Variants in BCAS3 observed in about 807,000 individuals in gnomAD.
BCAS3 encodes the protein BCAS3 microtubule associated cell migration factor.
In BCAS3, 53 loss-of-function variants were observed where a neutral mutation model predicts 116.1. That is an observed-to-expected ratio of 0.46 (90% CI 0.37 to 0.57). The LOEUF (loss-of-function observed/expected upper bound fraction) is 0.57, where lower values mean the gene tolerates loss of function less well. BCAS3 is among the 20% of genes least tolerant of loss of function. The pLI is 0.00. For missense variants in BCAS3, 917 were observed against 1,165.4 expected (o/e 0.79, Z 3.10); for synonymous variants, 391 against 408.2 (o/e 0.96, Z 0.51).
At chr17:61,001,819 A>T (rs11079409) in intron 15 of BCAS3, among the ~76,000 whole-genome samples, 2,694 of 151,358 alleles carry the variant, frequency 0.018, 32 homozygotes, top group Non-Finnish European at 0.025. Context: ...CACCTTTTTT[A>T]AAAAAAAATG....
chr17:61,375,218 T>TTTTGTGTG (rs3223067), intron 23 of BCAS3, among the ~76,000 whole-genome samples: 1 of 142,680 alleles, frequency 7.0e-6, no homozygotes, highest in Non-Finnish European at 1.5e-5. Flanking sequence ...AAAGCACTAT[T>TTTTGTGTG]TGTGTGTGTG....
intron 7 of BCAS3, chr17:60,810,374 G>A (rs936198210): frequency 6.4e-5 from 29 of 451,650 alleles, no homozygotes; most frequent in Non-Finnish European, 1.1e-4. Flanking sequence ...ATGGCGGGGG[G>A]TCTGGCAGGA....
chr17:61,385,549 G>A (rs758954383), intron 23 of BCAS3, among the ~76,000 whole-genome samples: 2 of 152,174 alleles, frequency 1.3e-5, no homozygotes, highest in African/African-American at 2.4e-5. Context: ...CCCCTACTAC[G>A]TACCTCACTG....
At chr17:61,190,448 A>G (rs1013487831) in intron 22 of BCAS3, among the ~76,000 whole-genome samples, 11 of 125,642 alleles carry the variant, frequency 8.8e-5, no homozygotes, top group South Asian at 6.0e-4. Flanking sequence ...AATCGCTTGA[A>G]CCCGGGAGGC....
intron 10 of BCAS3, among the ~76,000 whole-genome samples, chr17:60,898,052 T>C (rs1007424542): frequency 2.2e-4 from 34 of 152,234 alleles, no homozygotes; most frequent in African/African-American, 7.9e-4. Flanking sequence ...AATTTCTCTT[T>C]GACCCTTTTA....
rs1315919831 is a variant in BCAS3, at chr17:61,097,885, CA to C, written c.2425+13325del. Among the ~76,000 whole-genome samples, 2 of 152,196 alleles carry C rather than the reference CA, an allele frequency of 1.3e-5. No homozygotes were observed. The highest frequency in any genetic ancestry group is 1.3e-4 in the Admixed American group (2 of 15,278). ...ACCCTGCCTAATCAAATATTCATTT[CA>C]AAACACTGTATGCTGAAATGAGCCA... On this transcript the variant is annotated intron_variant, in intron 22 of 23. Transcript: ENST00000407086. The surrounding 1 kb of genome is among the most constrained non-coding windows in gnomAD (Gnocchi z 4.0).
rs547774788 is a variant in BCAS3 at position 61,135,999 on chromosome 17, C to T, written c.2425+51435C>T. The T allele has an allele frequency of 1.4e-4, 23 of 160,968 alleles. No individual in the cohort carries two copies. In the East Asian group the frequency reaches 4.2e-3, roughly 30 times the overall value. 10.0% of individuals were successfully genotyped at this position (160,968 alleles called of 1,614,324 possible). On this transcript the variant is annotated intron_variant, in intron 22 of 23. Transcript: ENST00000407086. ...GCCGCTGCTGCTGCTGCTGCTGCTC[C>T]TGTTTCCGCTTCTGCCATGGCCACC...
intron 22 of BCAS3, among the ~76,000 whole-genome samples, chr17:61,147,505 G>A (rs376246279): frequency 6.6e-6 from 1 of 152,176 alleles, no homozygotes; most frequent in East Asian, 1.9e-4. Context: ...TTACAGGTGT[G>A]CACCATTGTA....
At chr17:60,955,280 T>C (rs2061059758) in intron 14 of BCAS3, among the ~76,000 whole-genome samples, 1 of 151,890 alleles carries the variant, frequency 6.6e-6, no homozygotes, top group Admixed American at 6.6e-5. Context: ...TGTGTAACCA[T>C]AAAAAAGTCA....
chr17:60,717,326 C>T (rs1306015663), intron 5 of BCAS3, among the ~76,000 whole-genome samples: 1 of 151,760 alleles, frequency 6.6e-6, no homozygotes, highest in Non-Finnish European at 1.5e-5. Context: ...AGCGATTCTC[C>T]TGCCTCAGCC....
At chr17:61,223,423 T>C (rs2082221535) in intron 22 of BCAS3, among the ~76,000 whole-genome samples, 1 of 152,208 alleles carries the variant, frequency 6.6e-6, no homozygotes, top group Admixed American at 6.5e-5. Context: ...CCTCCCAAAG[T>C]GCTGGGCTTA....
rs182427307 is a variant in BCAS3, at chr17:61,346,399, C to A, written c.2426-21928C>A. Among the ~76,000 whole-genome samples, 467 of 152,264 alleles carry A rather than the reference C, an allele frequency of 3.1e-3. 1 individual carries two copies. The highest frequency in any genetic ancestry group is 0.011 in the African/African-American group (449 of 41,536). ...ATGTCTAAAGTTCTGGCCTCCGGTT[C>A]CAGCTCTGTGGCCTAATACAAAGTC... is the stretch of plus-strand genomic sequence containing the variant. On this transcript the variant is annotated intron_variant, in intron 22 of 23. Transcript: ENST00000407086. This position sits in a 1 kb window ranked among gnomAD's most constrained non-coding sequence, Gnocchi z 5.4.
In BCAS3 at chr17:61,276,370, C is replaced by A. The variant is rs966270404; in HGVS notation, c.2426-91957C>A. On this transcript the variant is annotated intron_variant, in intron 22 of 23. Coordinates refer to ENST00000407086, the MANE Select transcript of BCAS3 (RefSeq NM_017679.5). This position sits in a 1 kb window ranked among gnomAD's most constrained non-coding sequence, Gnocchi z 4.2. ...TCCATCTCAAAAACAAACAAACAAA[C>A]AAACAAAAATCACTTGTGTTTCTAT... is the stretch of plus-strand genomic sequence containing the variant. Among the ~76,000 whole-genome samples, 51 of 151,354 alleles carry A rather than the reference C, an allele frequency of 3.4e-4. No homozygotes were observed. The highest frequency in any genetic ancestry group is 3.4e-3 in the Middle Eastern group (1 of 294).
chr17:60,889,628 G>A lies in BCAS3; in HGVS notation c.662-67G>A, dbSNP rs1194745674. On this transcript the variant is annotated intron_variant, in intron 9 of 23. Transcript: ENST00000407086. The stretch of plus-strand genomic sequence containing the variant: ...TTGATTTTTCTGTTTTTCTGGCATC[G>A]ATATATGATGCACCAACAGAAAAGT... The A allele has an allele frequency of 1.2e-5, 15 of 1,259,832 alleles. No homozygotes were observed. In the Admixed American group the frequency reaches 1.9e-4, roughly 16 times the overall value. The allele number at this position is 1,259,832 out of a possible 1,614,324, so 78.0% of individuals were successfully genotyped here.
chr17:61,100,925 A>G (rs2074287630), intron 22 of BCAS3, among the ~76,000 whole-genome samples: 3 of 152,166 alleles, frequency 2.0e-5, no homozygotes, highest in Non-Finnish European at 2.9e-5. Flanking sequence ...TAACTTGTCT[A>G]CTGTCACAGA....
chr17:61,225,816 A>G (rs1350102713), intron 22 of BCAS3, among the ~76,000 whole-genome samples: 1 of 152,158 alleles, frequency 6.6e-6, no homozygotes, highest in South Asian at 2.1e-4. Context: ...TCTACCTAAA[A>G]TCTTAGTGAT....
chr17:61,357,070 C>CT (rs1402003780), intron 22 of BCAS3: 1 of 151,322 alleles, frequency 6.6e-6, no homozygotes, highest in African/African-American at 2.4e-5. Context: ...TGTCTCTCGA[C>CT]TTTTTCTTTC....
intron 2 of BCAS3, among the ~76,000 whole-genome samples, chr17:60,680,007 C>T (rs1240149122): frequency 6.6e-6 from 1 of 151,174 alleles, no homozygotes; most frequent in Admixed American, 6.6e-5. Context: ...GTATGGTGGC[C>T]CCTGTAGTCC....
At chr17:60,971,443 C>T (rs754026535) in intron 14 of BCAS3, among the ~76,000 whole-genome samples, 1 of 152,140 alleles carries the variant, frequency 6.6e-6, no homozygotes, top group Non-Finnish European at 1.5e-5. Flanking sequence ...GCACAGTTGG[C>T]CCACCGACAT....
Sources: gnomAD v4.1 joint callset for allele counts (sites outside exome capture counted in the v4.1 genomes callset) on GRCh38, gnomAD v4.1.1 for gene constraint, Gnocchi (gnomAD v3.1) non-coding constraint, MANE v1.5 for transcripts, NCBI Gene and HGNC (gene_info 2026-07-23, HGNC 2026-07-21) for gene names.